The following CNTN5 variants were observed in gnomAD, a reference collection of about 807,000 sequenced individuals.
CNTN5 encodes the protein contactin 5.
CNTN5 carries 77 observed loss-of-function variants against 129.1 expected under a neutral mutation model. The observed-to-expected ratio is 0.60, with a 90% CI of 0.50 to 0.72. The LOEUF is 0.72. Ranked by LOEUF, CNTN5 falls within the 30% of genes least tolerant of loss-of-function variation. The probability of loss-of-function intolerance (pLI) is 0.00; values close to 1 mark genes in which losing one functional copy is unlikely to be tolerated. For synonymous variants in CNTN5, 509 were observed against 465.6 expected (o/e 1.09, Z -1.20); for missense variants, 1,478 against 1,328.8 (o/e 1.11, Z -1.75).
chr11:100,003,766 C>G (rs1204147258), intron 9 of CNTN5: 1 of 152,122 alleles, frequency 6.6e-6, no homozygotes, highest in Non-Finnish European at 1.5e-5. Flanking sequence ...TTTCTTCAAC[C>G]TTTCTACTCC....
intron 1 of CNTN5, among the ~76,000 whole-genome samples, chr11:99,150,321 G>A (rs1030845869): frequency 1.3e-5 from 2 of 151,802 alleles, no homozygotes; most frequent in Admixed American, 6.6e-5. Context: ...GCCTGCTTAG[G>A]CTTTTTAACA....
chr11:100,285,820 A>T (rs1950770725), intron 18 of CNTN5, among the ~76,000 whole-genome samples: 1 of 152,160 alleles, frequency 6.6e-6, no homozygotes, highest in Admixed American at 6.5e-5. Flanking sequence ...AAGACGGGTG[A>T]TTTCTGCATT....
intron 10 of CNTN5, among the ~76,000 whole-genome samples, chr11:100,064,331 T>C (rs1228335916): frequency 6.6e-6 from 1 of 152,146 alleles, no homozygotes; most frequent in Non-Finnish European, 1.5e-5. Context: ...CAAAGCATTA[T>C]AAAAGTGCTA....
At chr11:100,198,589 G>A (rs1052063399) in intron 15 of CNTN5, among the ~76,000 whole-genome samples, 1 of 151,926 alleles carries the variant, frequency 6.6e-6, no homozygotes, top group African/African-American at 2.4e-5. Context: ...TCTTAGGGTT[G>A]TGCTGGATCT....
chr11:99,249,563 G>C (rs919410527), intron 1 of CNTN5, among the ~76,000 whole-genome samples: 1 of 152,016 alleles, frequency 6.6e-6, no homozygotes, highest in Non-Finnish European at 1.5e-5. Flanking sequence ...AAATACAGTA[G>C]ATTATTGAGC....
chr11:99,624,551 T>A (rs550282887), intron 3 of CNTN5, among the ~76,000 whole-genome samples: 1 of 152,248 alleles, frequency 6.6e-6, no homozygotes, highest in South Asian at 2.1e-4. Context: ...AAATAACAAT[T>A]TTTGACCATA....
intron 8 of CNTN5, among the ~76,000 whole-genome samples, chr11:99,990,752 A>G (rs1000883927): frequency 6.6e-6 from 1 of 152,190 alleles, no homozygotes; most frequent in Non-Finnish European, 1.5e-5. Context: ...GCATCTGGAC[A>G]TGTTTCTAAA....
intron 3 of CNTN5, among the ~76,000 whole-genome samples, chr11:99,640,728 T>G (rs1565378897): frequency 6.6e-6 from 1 of 152,224 alleles, no homozygotes; most frequent in Non-Finnish European, 1.5e-5. Flanking sequence ...ACCATACCTA[T>G]AGTCTAAGTA....
intron 3 of CNTN5, among the ~76,000 whole-genome samples, chr11:99,684,343 TATAAA>T (rs1190417597): frequency 6.6e-6 from 1 of 151,902 alleles, no homozygotes; most frequent in East Asian, 1.9e-4. Flanking sequence ...GGAATGTAGA[TATAAA>T]ATAATATGGG....
chr11:100,245,389 C>T (rs1441760011), intron 16 of CNTN5, among the ~76,000 whole-genome samples: 2 of 152,092 alleles, frequency 1.3e-5, no homozygotes, highest in Admixed American at 6.6e-5. Flanking sequence ...GTCTCTGTCA[C>T]AAGAAGATTG....
At chr11:99,139,199 G>A (rs1859394439) in intron 1 of CNTN5, among the ~76,000 whole-genome samples, 2 of 151,816 alleles carry the variant, frequency 1.3e-5, no homozygotes, top group African/African-American at 4.8e-5. Context: ...CCTGGGAGGT[G>A]GAGATTGCAG....
At chr11:99,174,511 A>G (rs917389429) in intron 1 of CNTN5, among the ~76,000 whole-genome samples, 7 of 152,140 alleles carry the variant, frequency 4.6e-5, no homozygotes, top group African/African-American at 1.7e-4. Context: ...AGCTATCCGA[A>G]TTTCAAATTC....
intron 13 of CNTN5, among the ~76,000 whole-genome samples, chr11:100,081,003 C>A (rs1375271443): frequency 6.6e-6 from 1 of 152,072 alleles, no homozygotes; most frequent in African/African-American, 2.4e-5. Context: ...TGTTTCCTAT[C>A]CATGAACTTA....
chr11:99,339,967 G>A (rs568887446), intron 2 of CNTN5, among the ~76,000 whole-genome samples: 28 of 152,178 alleles, frequency 1.8e-4, no homozygotes, highest in Admixed American at 9.2e-4. Context: ...TTCACCCTCC[G>A]TAAGGGTATA....
At chr11:99,593,518 T>A (rs1037680529) in intron 3 of CNTN5, among the ~76,000 whole-genome samples, 1 of 152,118 alleles carries the variant, frequency 6.6e-6, no homozygotes, top group African/African-American at 2.4e-5. Flanking sequence ...TATGACAGAA[T>A]AGTAATTTTT....
chr11:99,214,806 C>A (rs2135682513), intron 1 of CNTN5, among the ~76,000 whole-genome samples: 1 of 152,078 alleles, frequency 6.6e-6, no homozygotes, highest in East Asian at 1.9e-4. Flanking sequence ...CCAGTGATAC[C>A]ATAAACTTTC....
chr11:99,825,214 G>C (rs939930527), intron 4 of CNTN5, among the ~76,000 whole-genome samples: 1 of 151,868 alleles, frequency 6.6e-6, no homozygotes, highest in East Asian at 1.9e-4. Flanking sequence ...ATTTCTTTAG[G>C]ATGTTTTCGC....
At chr11:100,137,735 C>A (rs1444500379) in intron 13 of CNTN5, among the ~76,000 whole-genome samples, 1 of 151,918 alleles carries the variant, frequency 6.6e-6, no homozygotes, top group African/African-American at 2.4e-5. Flanking sequence ...CATTATCAGG[C>A]CGGTATGGAA....
chr11:99,901,845 T>C (rs1408700524), intron 6 of CNTN5, among the ~76,000 whole-genome samples: 17 of 152,226 alleles, frequency 1.1e-4, no homozygotes, highest in African/African-American at 3.9e-4. Flanking sequence ...CTTTTTATGT[T>C]ATTTAATAAT....
Sources: gnomAD v4.1 joint callset for allele counts (sites outside exome capture counted in the v4.1 genomes callset) on GRCh38, gnomAD v4.1.1 for gene constraint, MANE v1.5 for transcripts, NCBI Gene and HGNC (gene_info 2026-07-23, HGNC 2026-07-21) for gene names.